SYNE2: variants seen among roughly 807,000 people sequenced by gnomAD.
The protein encoded by SYNE2 is spectrin repeat containing nuclear envelope protein 2.
In SYNE2, 431 loss-of-function variants were observed where a neutral mutation model predicts 856.3. The ratio of observed to expected loss-of-function variants is 0.50; its 90% CI spans 0.47 to 0.55. The LOEUF (loss-of-function observed/expected upper bound fraction) is 0.55. Ranked by LOEUF, SYNE2 falls within the 20% of genes least tolerant of loss-of-function variation. The pLI is 0.00. For missense variants in SYNE2, 8,129 were observed against 8,023.2 expected, an observed-to-expected ratio of 1.01 and a Z score of -0.50; for synonymous variants, 2,923 against 2,872.3, an observed-to-expected ratio of 1.02 and a Z score of -0.56.
rs1236612447 is a variant in SYNE2, at chr14:64,128,479, C to T, written c.13945C>T (p.Leu4649Phe). The T allele has an allele frequency of 3.1e-6, 5 of 1,598,662 alleles. No individual in the cohort carries two copies. The highest frequency in any genetic ancestry group is 1.3e-5 in the African/African-American group (1 of 74,564). Residue 4649 changes from leucine to phenylalanine, a missense_variant, in exon 74 of 116, where the codon CTC becomes TTC. Physicochemically the swap from Leu to Phe is conservative, Grantham distance 22. Coordinates refer to ENST00000555002, the MANE Select transcript of SYNE2 (RefSeq NM_182914.3). ...QNEIKRLYHQ[L>F]IKSKTSLQQS... ...TGAAATAAAGAGATTATATCATCAG[C>T]TCATTAAGAGTAAGACATCTTTACA...
In SYNE2 at chr14:64,100,902, G is replaced by GT. The variant is rs202144842; in HGVS notation, c.12382-1029dup. The stretch of plus-strand genomic sequence containing the variant: ...TTCCACATTAAAGGGAGATGATGTG[G>GT]TATGTGTCCTTCTGTGCCTGGATTA... On this transcript the variant is annotated intron_variant, in intron 63 of 115. Transcript: ENST00000555002. Among the ~76,000 whole-genome samples, 831 of 151,520 alleles carry GT rather than the reference G, an allele frequency of 5.5e-3. 10 individuals are homozygous for GT. Among genetic ancestry groups the GT allele is most frequent in the African/African-American group, 0.019 (803 of 41,314 alleles).
At chr14:64,171,889 C>T (rs1462432751) in intron 94 of SYNE2, among the ~76,000 whole-genome samples, 1 of 152,124 alleles carries the variant, frequency 6.6e-6, no homozygotes, top group East Asian at 1.9e-4. Context: ...CTCACTCTGT[C>T]GCCCAGGCTG....
chr14:64,099,506 A>T (rs1271583261), intron 63 of SYNE2: 1 of 154,458 alleles, frequency 6.5e-6, no homozygotes, highest in Non-Finnish European at 1.4e-5. Flanking sequence ...TGGAACTGTG[A>T]CAAGGAAGAG....
chr14:63,791,290 C>T (rs941548668), intron 1 of SYNE2, among the ~76,000 whole-genome samples: 1 of 152,108 alleles, frequency 6.6e-6, no homozygotes, highest in African/African-American at 2.4e-5. Flanking sequence ...AATCCCGCCT[C>T]CTTGAAATTG....
At chr14:64,015,963 T>G (rs2096889161) in intron 32 of SYNE2, among the ~76,000 whole-genome samples, 1 of 152,148 alleles carries the variant, frequency 6.6e-6, no homozygotes, top group African/African-American at 2.4e-5. Context: ...TTGCTCAGTT[T>G]CCCAGTGATT....
Position 64,190,224 on chromosome 14 carries a change from G to A in SYNE2, c.18025G>A (p.Val6009Ile). Reference protein sequence around the residue: ...INDRWQHLFDVIGSRVKKLKE... With the variant: ...INDRWQHLFDIIGSRVKKLKE... Reference sequence around the variant, plus strand: ...CGATCGTTGGCAACATCTTTTTGATGTCATCGGATCAAGGTAAGAAATGGG... The same window carrying A: ...CGATCGTTGGCAACATCTTTTTGATATCATCGGATCAAGGTAAGAAATGGG... Residue 6009 changes from valine (V) to isoleucine (I), a missense_variant, in exon 99 of 116, where the codon GTC becomes ATC. Physicochemically the swap from Val to Ile is conservative, Grantham distance 29. Coordinates refer to ENST00000555002, the MANE Select transcript of SYNE2 (RefSeq NM_182914.3). 1 of 1,614,028 alleles carries A rather than the reference G, an allele frequency of 6.2e-7. No homozygotes were observed. The highest frequency in any genetic ancestry group is 8.5e-7 in the Non-Finnish European group (1 of 1,180,014).
intron 65 of SYNE2, chr14:64,112,917 TC>T (rs1230944155): frequency 1.3e-6 from 1 of 760,948 alleles, no homozygotes; most frequent in African/African-American, 1.9e-5. Context: ...AAGATCGTGT[TC>T]TGTTTTGTTT....
chr14:64,103,466 T>C (rs2097750999), intron 64 of SYNE2, among the ~76,000 whole-genome samples: 1 of 152,050 alleles, frequency 6.6e-6, no homozygotes, highest in South Asian at 2.1e-4. Flanking sequence ...ATGGTCTCAC[T>C]TTAGAAAATC....
intron 1 of SYNE2, among the ~76,000 whole-genome samples, chr14:63,895,613 T>C (rs1422637574): frequency 6.9e-6 from 1 of 145,734 alleles, no homozygotes; most frequent in Non-Finnish European, 1.5e-5. Context: ...AAAAAAAAAT[T>C]CAGAAATTAG....
chr14:63,830,387 A>T (rs957420562), intron 1 of SYNE2, among the ~76,000 whole-genome samples: 5 of 152,056 alleles, frequency 3.3e-5, no homozygotes, highest in Admixed American at 6.6e-5. Flanking sequence ...TGGGCCAGAC[A>T]TGGTGGCTCA....
At chr14:63,875,948 T>A (rs2094705793) in intron 1 of SYNE2, among the ~76,000 whole-genome samples, 1 of 152,052 alleles carries the variant, frequency 6.6e-6, no homozygotes, top group Non-Finnish European at 1.5e-5. Flanking sequence ...CTGGCCAAAG[T>A]GCATGTTGCA....
chr14:64,192,314 G>A (rs148163019), intron 99 of SYNE2, among the ~76,000 whole-genome samples: 11 of 152,242 alleles, frequency 7.2e-5, no homozygotes, highest in Non-Finnish European at 1.0e-4. Flanking sequence ...GGCACTAGTC[G>A]AGGGTATGAT....
chr14:64,134,199 A>T lies in SYNE2; in HGVS notation c.14645A>T (p.Gln4882Leu). 1 of 1,614,072 alleles carries T rather than the reference A, an allele frequency of 6.2e-7. No individual in the cohort carries two copies. ...ERLVERISFY[Q>L]QIKRNIGGKH... ...TTAGTGGAAAGGATTTCATTTTACCAGGTATTTGTCTTCCATTTAAGTTAT... is the reference window on the plus strand; with the variant it reads ...TTAGTGGAAAGGATTTCATTTTACCTGGTATTTGTCTTCCATTTAAGTTAT... The change falls in exon 78 of 116, where the codon CAG becomes CTG. Residue 4882 changes from glutamine to leucine, a missense_variant and splice_region_variant. Gln to Leu is a moderately radical substitution (Grantham distance 113). Around this residue, in one of 3 missense-constraint regions of SYNE2, gnomAD observed 5,410 missense variants for 5,284.8 expected, o/e 1.02. Transcript: ENST00000555002.
chr14:63,982,817 A>T, intron 17 of SYNE2, 23 bp downstream of exon 17: 1 of 1,610,882 alleles, frequency 6.2e-7, no homozygotes, highest in Non-Finnish European at 8.5e-7. Flanking sequence ...GATTGGTTGC[A>T]GCTTTATTTA....
intron 1 of SYNE2, among the ~76,000 whole-genome samples, chr14:63,869,421 A>G (rs1896271493): frequency 6.6e-6 from 1 of 152,032 alleles, no homozygotes; most frequent in Non-Finnish European, 1.5e-5. Context: ...CAGGAGTTTG[A>G]GACCAGCCTG....
At chr14:64,221,320 G>C (rs2098692876) in intron 111 of SYNE2, among the ~76,000 whole-genome samples, 1 of 152,186 alleles carries the variant, frequency 6.6e-6, no homozygotes, top group Non-Finnish European at 1.5e-5. Context: ...TATAAAATCA[G>C]CTGGGCATCC....
rs751944533 is a variant in SYNE2 at position 64,003,147 on chromosome 14, C to G, written c.4214C>G (p.Ala1405Gly). The G allele has an allele frequency of 3.1e-6, 5 of 1,613,980 alleles. No homozygotes were observed. The South Asian group carries it at 5.5e-5, about 18-fold the overall frequency. ...ACCTCCTGTGAAAACCTGCTTGATG[C>G]TTTTTCAATAAAGTTATCTGAGACA... ...DDTSCENLLD[A>G]FSIKLSETHG... The change falls in exon 30 of 116, where the codon GCT becomes GGT. Residue 1405 changes from alanine (A) to glycine (G), a missense_variant. This residue lies in a region of SYNE2 where 2,422 missense variants were observed against 2,357.4 expected (regional missense o/e 1.03). Transcript: ENST00000555002.
Position 63,961,593 on chromosome 14 carries a change from A to G in SYNE2, c.856A>G (p.Lys286Glu). 1 of 1,614,110 alleles carries G rather than the reference A, an allele frequency of 6.2e-7. No individual in the cohort carries two copies. Among genetic ancestry groups the G allele is most frequent in the Non-Finnish European group, 8.5e-7 (1 of 1,179,972 alleles). ...TGTGGCACAGTTTCTGCAGTATTCC[A>G]AAGATGCCCCTGGGACTGGAGAGGA... ...TYVAQFLQYS[K>E]DAPGTGEEAQ... Residue 286 changes from lysine (K) to glutamate (E), a missense_variant, in exon 9 of 116, where the codon AAA (lysine) becomes GAA (glutamate). Lys to Glu is a moderately conservative substitution (Grantham distance 56). This residue lies in a region of SYNE2 where 2,422 missense variants were observed against 2,357.4 expected (regional missense o/e 1.03). Coordinates refer to ENST00000555002, the MANE Select transcript of SYNE2 (RefSeq NM_182914.3).
intron 102 of SYNE2, 151 bp downstream of exon 102, chr14:64,209,729 G>A: frequency 8.0e-7 from 1 of 1,250,768 alleles, no homozygotes; most frequent in South Asian, 1.3e-5. Context: ...TGCTGAGACA[G>A]CTTTGCAAGA....
Sources: allele counts gnomAD v4.1 joint callset (sites outside exome capture counted in the v4.1 genomes callset), GRCh38; gene constraint gnomAD v4.1.1; regional missense constraint gnomAD v4.1.1; transcripts MANE v1.5; gene names NCBI Gene and HGNC (gene_info 2026-07-23, HGNC 2026-07-21).